AKNAD1: variants seen among roughly 807,000 people sequenced by gnomAD.
The protein encoded by AKNAD1 is AKNA domain containing 1, also known as protein AKNAD1.
A neutral mutation model predicts 90.8 loss-of-function variants in AKNAD1; 67 were observed. The ratio of observed to expected loss-of-function variants is 0.74; its 90% confidence interval spans 0.61 to 0.90. The LOEUF (loss-of-function observed/expected upper bound fraction) is 0.90, where lower values mean the gene tolerates loss of function less well. Ranked by LOEUF, AKNAD1 falls within the 40% of genes least tolerant of loss-of-function variation. The pLI is 0.00. For synonymous variants in AKNAD1, 327 were observed against 341.4 expected, an observed-to-expected ratio of 0.96 and a Z score of 0.46; for missense variants, 957 against 975.4, an observed-to-expected ratio of 0.98 and a Z score of 0.25.
At chr1:108,827,150 C>T (rs552190178) in intron 11 of AKNAD1, 55 bp downstream of exon 11, 15 of 1,342,778 alleles carry the variant, frequency 1.1e-5, no homozygotes, top group Non-Finnish European at 1.6e-5. Context: ...TGCGAGCAGA[C>T]CCCATGGGGA....
chr1:108,824,843 T>C (rs1416170388), intron 11 of AKNAD1, among the ~76,000 whole-genome samples: 1 of 151,650 alleles, frequency 6.6e-6, no homozygotes, highest in Non-Finnish European at 1.5e-5. Context: ...CACACCCAAC[T>C]GACACTCTTT....
intron 2 of AKNAD1, among the ~76,000 whole-genome samples, chr1:108,850,851 T>C (rs1009473896): frequency 8.6e-5 from 13 of 152,022 alleles, no homozygotes; most frequent in Non-Finnish European, 1.3e-4. Flanking sequence ...CAAACATCAA[T>C]GAGATCCTGA....
chr1:108,817,131 G>GTGT lies in AKNAD1; in HGVS notation c.2293_2295dup (p.Thr765dup). Reference sequence around the variant, plus strand: ...CTGCAGGAGTAGAAATGGGGTGAGGGTGTTGCAGGGTCTGAGCTGTAGGTC... The same window carrying GTGT: ...CTGCAGGAGTAGAAATGGGGTGAGGGTGTTGTTGCAGGGTCTGAGCTGTAGGTC... On this transcript the variant is annotated inframe_insertion, in exon 15 of 16. Transcript: ENST00000370001. The GTGT allele has an allele frequency of 6.2e-7, 1 of 1,614,090 alleles. No individual in the cohort carries two copies. The highest frequency in any genetic ancestry group is 8.5e-7 in the Non-Finnish European group (1 of 1,179,998).
chr1:108,821,969 G>A (rs147980679), intron 13 of AKNAD1, among the ~76,000 whole-genome samples: 23 of 152,234 alleles, frequency 1.5e-4, no homozygotes, highest in Middle Eastern at 3.4e-3. Flanking sequence ...AGGATGCTGG[G>A]AGAGATTGTC....
intron 9 of AKNAD1, among the ~76,000 whole-genome samples, chr1:108,834,208 G>A (rs1381089212): frequency 1.3e-5 from 2 of 152,104 alleles, no homozygotes. Flanking sequence ...GTGATTCATA[G>A]GCTCGGAGAA....
intron 1 of AKNAD1, among the ~76,000 whole-genome samples, chr1:108,855,933 G>A (rs915140974): frequency 5.5e-5 from 8 of 145,768 alleles, no homozygotes; most frequent in Non-Finnish European, 1.0e-4. Context: ...CTGGAGTGTA[G>A]TGACAACACC....
intron 6 of AKNAD1, among the ~76,000 whole-genome samples, chr1:108,839,451 G>A (rs1231057053): frequency 1.5e-5 from 1 of 67,322 alleles, no homozygotes. Flanking sequence ...CCAGCCTGGA[G>A]GAGCGAGACT....
chr1:108,822,917 A>G (rs926225938), intron 13 of AKNAD1: 4 of 386,318 alleles, frequency 1.0e-5, no homozygotes, highest in African/African-American at 8.2e-5. Flanking sequence ...ATTTTTTTTC[A>G]AAGACAGCAA....
chr1:108,837,448 G>A (rs1410716201), intron 7 of AKNAD1, 102 bp downstream of exon 7: 19 of 1,154,096 alleles, frequency 1.6e-5, no homozygotes, highest in Non-Finnish European at 2.2e-5. Flanking sequence ...ATTTTCATGA[G>A]ATATTAAAAA....
intron 6 of AKNAD1, 22 bp from the exon 7 acceptor site, chr1:108,837,728 G>T: frequency 6.2e-7 from 1 of 1,612,586 alleles, no homozygotes. Context: ...TAAACACACA[G>T]GCATCTTCTG....
rs563694131 is a variant in AKNAD1, at chr1:108,815,947, A to G, written c.*224T>C. On this transcript the variant is annotated 3_prime_UTR_variant, in exon 16 of 16. Coordinates refer to ENST00000370001, the MANE Select transcript of AKNAD1 (RefSeq NM_152763.5). ...TATGAGTTAAGAAGAACATAGATTT[A>G]TTTTAAAATAAATACTTGTTGGTTG... 7.0e-5 allele frequency: 21 copies of G among 301,722 alleles called. No homozygotes were observed. The highest frequency in any genetic ancestry group is 4.1e-4 in the African/African-American group (19 of 46,034). 18.7% of individuals were successfully genotyped at this position (301,722 alleles called of 1,614,324 possible).
intron 8 of AKNAD1, 66 bp from the exon 9 acceptor site, chr1:108,834,594 ACTATTTG>A: frequency 6.9e-7 from 1 of 1,451,110 alleles, no homozygotes; most frequent in Non-Finnish European, 9.3e-7. Context: ...TGGGAGCTCC[ACTATTTG>A]GAATCACTTG....
intron 2 of AKNAD1, among the ~76,000 whole-genome samples, chr1:108,849,849 T>TA (rs537411887): frequency 6.1e-4 from 93 of 152,314 alleles, no homozygotes; most frequent in African/African-American, 2.2e-3. Context: ...GATGAAATGT[T>TA]AAATATCTAC....
chr1:108,823,804 T>C lies in AKNAD1; in HGVS notation c.1937-116A>G, dbSNP rs1022771195. On this transcript the variant is annotated intron_variant, in intron 11 of 15. Coordinates refer to ENST00000370001, the MANE Select transcript of AKNAD1 (RefSeq NM_152763.5). ...GGTATGTGTTTGGCACCAAAGTGCT[T>C]AATGTCCCGGCTGTGTCACCAAGAG... 3.3e-6 allele frequency: 5 copies of C among 1,499,504 alleles called. No homozygotes were observed. In the African/African-American group the frequency reaches 6.9e-5, roughly 21 times the overall value. 92.9% of individuals were successfully genotyped at this position (1,499,504 alleles called of 1,614,324 possible). A position where few individuals can be genotyped will look rare whatever the true frequency, so the allele number is the denominator to read the frequency against.
intron 11 of AKNAD1, among the ~76,000 whole-genome samples, chr1:108,825,753 C>T (rs975231999): frequency 2.1e-5 from 2 of 96,600 alleles, no homozygotes; most frequent in African/African-American, 8.4e-5. Flanking sequence ...AGTTCCAAGG[C>T]GCTTTTTTTT....
chr1:108,837,434 T>C (rs1420400033), intron 7 of AKNAD1, 116 bp downstream of exon 7: 1 of 1,066,186 alleles, frequency 9.4e-7, no homozygotes, highest in Non-Finnish European at 1.3e-6. Context: ...CTTTGGAAAG[T>C]TAAATTTTCA....
rs770940355 is a variant in AKNAD1 at position 108,851,969 on chromosome 1, T to C, written c.696A>G (p.Ser232=). Residue 232 remains serine (S), a synonymous_variant, in exon 2 of 16, where the codon TCA becomes TCG. Transcript: ENST00000370001. The part of the protein sequence containing the change: ...GDKQKSYQGQ[S]PQKQQTEKAN... ...CTTTTTCAGTCTGCTGTTTCTGGGG[T>C]GACTGCCCTTGATAACTTTTTTGTT... The C allele has an allele frequency of 5.0e-6, 8 of 1,614,152 alleles. No homozygotes were observed. The East Asian group carries it at 1.8e-4, about 36-fold the overall frequency.
intron 14 of AKNAD1, among the ~76,000 whole-genome samples, chr1:108,818,252 T>C (rs1663690286): frequency 6.6e-6 from 1 of 152,214 alleles, no homozygotes; most frequent in South Asian, 2.1e-4. Context: ...AAGCATTACT[T>C]TGGTGCATAA....
At position 108,823,570 on chromosome 1, in the gene AKNAD1, A is replaced by T; in HGVS notation, c.2055T>A (p.Thr685=). 6.2e-7 allele frequency: 1 copy of T among 1,614,020 alleles called. No individual in the cohort carries two copies. The highest frequency in any genetic ancestry group is 8.5e-7 in the Non-Finnish European group (1 of 1,179,964). The part of the protein sequence containing the change: ...TSRRACRKEP[T]KEFHYRYNTP... ...GAGGCCCCAGGTGAGTGTTACCTTT[A>T]GTTGGTTCTTTCCTGCAGGCTCTTC... The change falls in exon 12 of 16, where the codon ACT becomes ACA. Residue 685 remains threonine, a synonymous_variant. Transcript: ENST00000370001.
Sources: gnomAD v4.1 joint callset for allele counts (sites outside exome capture counted in the v4.1 genomes callset) on GRCh38, gnomAD v4.1.1 for gene constraint, MANE v1.5 for transcripts, NCBI Gene and HGNC (gene_info 2026-07-23, HGNC 2026-07-21) for gene names.